TLL2: variants seen among roughly 807,000 people sequenced by gnomAD.
TLL2 encodes the protein tolloid-like protein 2.
A neutral mutation model predicts 123.0 loss-of-function variants in TLL2; 106 were observed. That is an observed-to-expected ratio of 0.86 (90% confidence interval 0.74 to 1.01). The LOEUF (loss-of-function observed/expected upper bound fraction) is 1.01. TLL2 is among the 50% of genes least tolerant of loss of function. The pLI, the probability that TLL2 is intolerant of heterozygous loss-of-function variation, is 0.00. For missense variants in TLL2, 1,332 were observed against 1,336.7 expected (o/e 1.00, Z 0.06); for synonymous variants, 494 against 516.8 (o/e 0.96, Z 0.60).
chr10:96,422,433 T>C, intron 6 of TLL2, 116 bp downstream of exon 6: 1 of 1,212,226 alleles, frequency 8.2e-7, no homozygotes, highest in Non-Finnish European at 1.2e-6. Flanking sequence ...CATTGCTCCA[T>C]ATTCAGCAGT....
At chr10:96,463,104 G>T (rs556706858) in intron 2 of TLL2, among the ~76,000 whole-genome samples, 7 of 152,196 alleles carry the variant, frequency 4.6e-5, no homozygotes, top group Admixed American at 4.6e-4. Flanking sequence ...GCAAATTCAC[G>T]AATATAAAAT....
intron 2 of TLL2, among the ~76,000 whole-genome samples, chr10:96,467,627 G>A (rs952952560): frequency 6.6e-6 from 1 of 152,114 alleles, no homozygotes; most frequent in Non-Finnish European, 1.5e-5. Flanking sequence ...ACTATACTGC[G>A]AAAATGTATT....
intron 1 of TLL2, among the ~76,000 whole-genome samples, chr10:96,492,066 A>C (rs1013375415): frequency 1.3e-5 from 2 of 152,128 alleles, no homozygotes; most frequent in African/African-American, 4.8e-5. Context: ...CACAGCACAG[A>C]TCTTGCCCTG....
chr10:96,494,000 C>T (rs1424545515), intron 1 of TLL2, among the ~76,000 whole-genome samples: 1 of 152,220 alleles, frequency 6.6e-6, no homozygotes, highest in Non-Finnish European at 1.5e-5. Context: ...GCTCGGTTCA[C>T]TGCCCTGCAC....
rs149983997 is a variant in TLL2 at position 96,487,704 on chromosome 10, C to T, written c.176-7245G>A. 2.6e-3 allele frequency among the ~76,000 whole-genome samples: 394 copies of T among 152,274 alleles called. 2 individuals are homozygous for T. The highest frequency in any genetic ancestry group is 9.1e-3 in the African/African-American group (379 of 41,554). On this transcript the variant is annotated intron_variant, in intron 1 of 20. Transcript: ENST00000357947. ...CGTTCCACTTTTACCGATTAAGAAC[C>T]TGAGACTCAGAAAAGAGAATGACTC...
chr10:96,505,013 A>G (rs1847565967), intron 1 of TLL2, among the ~76,000 whole-genome samples: 1 of 149,962 alleles, frequency 6.7e-6, no homozygotes, highest in African/African-American at 2.5e-5. Context: ...GTCTCAAAAA[A>G]ATAAAAAATA....
At chr10:96,433,557 C>T (rs899672730) in intron 3 of TLL2, among the ~76,000 whole-genome samples, 9 of 152,066 alleles carry the variant, frequency 5.9e-5, no homozygotes, top group African/African-American at 2.2e-4. Context: ...GGGCCTCCCA[C>T]AATGGCAGAG....
intron 20 of TLL2, among the ~76,000 whole-genome samples, chr10:96,368,688 G>A (rs1400025318): frequency 1.3e-5 from 2 of 152,190 alleles, no homozygotes; most frequent in Non-Finnish European, 2.9e-5. Context: ...TGTCTCCCAG[G>A]AGACCTGAAA....
chr10:96,438,018 G>A (rs960466010), intron 3 of TLL2, among the ~76,000 whole-genome samples: 5 of 152,158 alleles, frequency 3.3e-5, no homozygotes, highest in African/African-American at 9.7e-5. Context: ...CTTGATTACT[G>A]TAGCTACAGA....
At chr10:96,506,872 T>A (rs1847584588) in intron 1 of TLL2, among the ~76,000 whole-genome samples, 1 of 152,180 alleles carries the variant, frequency 6.6e-6, no homozygotes, top group Non-Finnish European at 1.5e-5. Flanking sequence ...TACCTTTGAT[T>A]ATGTTGTTGT....
chr10:96,491,191 G>A (rs1847409049), intron 1 of TLL2, among the ~76,000 whole-genome samples: 1 of 152,046 alleles, frequency 6.6e-6, no homozygotes, highest in Non-Finnish European at 1.5e-5. Context: ...GACCAGCCTG[G>A]CCAAAACGGT....
At chr10:96,460,413 G>C (rs1171493385) in intron 2 of TLL2, among the ~76,000 whole-genome samples, 1 of 152,180 alleles carries the variant, frequency 6.6e-6, no homozygotes, top group Non-Finnish European at 1.5e-5. Context: ...TGAGGGATCA[G>C]TCCTCATGAA....
Position 96,379,221 on chromosome 10 carries a change from G to A in TLL2, c.2195-129C>T, listed in dbSNP as rs28438557. ...GATTGCTCCCCTTCCCCCTCTGATT[G>A]TTCCCTCACTGGAGGAGTGAAGTGG... On this transcript the variant is annotated intron_variant, in intron 16 of 20. Coordinates refer to ENST00000357947, the MANE Select transcript of TLL2 (RefSeq NM_012465.4). 3.3e-6 allele frequency: 4 copies of A among 1,203,438 alleles called. No homozygotes were observed. In the African/African-American group the frequency reaches 4.5e-5, roughly 14 times the overall value. 74.5% of individuals were successfully genotyped at this position (1,203,438 alleles called of 1,614,324 possible). A position where few individuals can be genotyped will look rare whatever the true frequency, so the allele number is the denominator to read the frequency against.
At chr10:96,419,724 T>C (rs1322675629) in intron 7 of TLL2, among the ~76,000 whole-genome samples, 1 of 152,194 alleles carries the variant, frequency 6.6e-6, no homozygotes, top group Non-Finnish European at 1.5e-5. Flanking sequence ...ATTTCTCCCA[T>C]AGTCCTATCA....
chr10:96,475,675 TC>T (rs1214268863), intron 2 of TLL2, among the ~76,000 whole-genome samples: 1 of 152,040 alleles, frequency 6.6e-6, no homozygotes, highest in East Asian at 1.9e-4. Flanking sequence ...TCTGGGCCCT[TC>T]CCCCCATGTC....
At chr10:96,395,488 C>G (rs1846331810) in intron 12 of TLL2, 106 bp from the exon 13 acceptor site, 1 of 1,179,206 alleles carries the variant, frequency 8.5e-7, no homozygotes. Flanking sequence ...ACCAAGAGGC[C>G]AAAGGACCCA....
intron 2 of TLL2, among the ~76,000 whole-genome samples, chr10:96,478,874 C>T (rs547237345): frequency 1.3e-5 from 2 of 151,938 alleles, no homozygotes; most frequent in South Asian, 4.2e-4. Context: ...GTCCCATGGG[C>T]GTGTACATAT....
At chr10:96,498,251 T>C (rs1214400084) in intron 1 of TLL2, among the ~76,000 whole-genome samples, 1 of 152,216 alleles carries the variant, frequency 6.6e-6, no homozygotes, top group Non-Finnish European at 1.5e-5. Context: ...GAAGGAGGAC[T>C]GGGATCCACC....
chr10:96,387,635 C>G (rs1464916025), intron 13 of TLL2, among the ~76,000 whole-genome samples: 3 of 152,116 alleles, frequency 2.0e-5, no homozygotes, highest in Non-Finnish European at 4.4e-5. Context: ...AAAACACGGG[C>G]TCTTAGGTTA....
Sources: allele counts gnomAD v4.1 joint callset (sites outside exome capture counted in the v4.1 genomes callset), GRCh38; gene constraint gnomAD v4.1.1; transcripts MANE v1.5; gene names NCBI Gene and HGNC (gene_info 2026-07-23, HGNC 2026-07-21).